PDE1C: variants seen among roughly 807,000 people sequenced by gnomAD.
PDE1C encodes dual specificity calcium/calmodulin-dependent 3',5'-cyclic nucleotide phosphodiesterase 1C.
PDE1C carries 62 observed loss-of-function variants against 93.1 expected under a neutral mutation model. That is an observed-to-expected ratio of 0.67 (90% CI 0.54 to 0.82). The LOEUF is 0.82. Ranked by LOEUF, PDE1C falls within the 40% of genes least tolerant of loss-of-function variation. PDE1C has a pLI of 0.00. For missense variants in PDE1C, 742 were observed against 884.6 expected (o/e 0.84, Z 2.04); for synonymous variants, 325 against 310.1 (o/e 1.05, Z -0.50).
chr7:32,410,388 G>C (rs1281236714), intron 1 of PDE1C, among the ~76,000 whole-genome samples: 1 of 151,814 alleles, frequency 6.6e-6, no homozygotes, highest in Non-Finnish European at 1.5e-5. Flanking sequence ...GAAGGAGGAG[G>C]GGGTGGAGGG....
In PDE1C at chr7:32,226,114, G is replaced by A. The variant is rs140397597; in HGVS notation, c.86-16575C>T. ...CAATTGTGTAACAGAGGATTTTGAC[G>A]TCCATTGTTGTTTGTCATTTATAAC... On this transcript the variant is annotated intron_variant, in intron 1 of 18. Coordinates refer to the PDE1C transcript ENST00000396193. 3.3e-5 allele frequency among the ~76,000 whole-genome samples: 5 copies of A among 152,236 alleles called. No individual in the cohort carries two copies. The East Asian group carries it at 5.8e-4, about 18-fold the overall frequency.
At chr7:31,620,257 G>C in the PDE1C span, among the ~76,000 whole-genome samples, 1 of 152,026 alleles carries the variant, frequency 6.6e-6, no homozygotes. Context: ...AGAGAGCAGT[G>C]GTTCTCCCAG....
intron 2 of PDE1C, among the ~76,000 whole-genome samples, chr7:32,043,563 C>A (rs2214783): frequency 0.17 from 25,601 of 151,972 alleles, 2,817 homozygotes; most frequent in African/African-American, 0.31. Context: ...CACACAGATA[C>A]CTGAATATCA....
chr7:32,410,074 A>G (rs1785134083), intron 1 of PDE1C, among the ~76,000 whole-genome samples: 1 of 152,326 alleles, frequency 6.6e-6, no homozygotes, highest in East Asian at 1.9e-4. Context: ...ATATGATTAT[A>G]TATCTGGAAA....
chr7:31,816,206 G>C (rs756792885), intron 14 of PDE1C, 52 bp from the exon 15 acceptor site: 1 of 1,523,954 alleles, frequency 6.6e-7, no homozygotes, highest in Non-Finnish European at 9.0e-7. Context: ...AAGAGGTCAT[G>C]CCGTTAGGAG....
At chr7:32,341,173 C>CTATTTTTTTTTTTTTTTTTT (rs796122014) in intron 1 of PDE1C, among the ~76,000 whole-genome samples, 17 of 84,950 alleles carry the variant, frequency 2.0e-4, no homozygotes, top group African/African-American at 7.4e-4. Flanking sequence ...GAAATAAAGT[C>CTATTTTTTTTTTTTTTTTTT]TTTTTTTTTT....
At chr7:32,209,101 C>T (rs1033745062) in intron 2 of PDE1C, among the ~76,000 whole-genome samples, 6 of 152,212 alleles carry the variant, frequency 3.9e-5, no homozygotes, top group Non-Finnish European at 7.3e-5. Context: ...CAGCACTTCT[C>T]AAACTCTAAT....
the PDE1C span, among the ~76,000 whole-genome samples, chr7:31,688,425 A>G: frequency 2.0e-5 from 3 of 152,224 alleles, no homozygotes; most frequent in Non-Finnish European, 2.9e-5. Context: ...CCGCTCAATG[A>G]TAAGAGAAAA....
the PDE1C span, among the ~76,000 whole-genome samples, chr7:31,650,246 G>A: frequency 5.9e-5 from 9 of 152,114 alleles, no homozygotes; most frequent in East Asian, 3.9e-4. Context: ...AGGTGTTGGC[G>A]AAAGCAAACA....
intron 1 of PDE1C, among the ~76,000 whole-genome samples, chr7:32,250,016 CT>C: frequency 6.6e-6 from 1 of 152,042 alleles, no homozygotes; most frequent in Non-Finnish European, 1.5e-5. Flanking sequence ...TTAACTTTTC[CT>C]AAGTCAAATG....
chr7:31,650,684 A>G, the PDE1C span, among the ~76,000 whole-genome samples: 1 of 152,178 alleles, frequency 6.6e-6, no homozygotes, highest in Non-Finnish European at 1.5e-5. Flanking sequence ...CATTATTCTA[A>G]GCAGATTTTC....
At chr7:31,844,860 A>G (rs1583574591) in intron 9 of PDE1C, among the ~76,000 whole-genome samples, 1 of 152,040 alleles carries the variant, frequency 6.6e-6, no homozygotes, top group East Asian at 1.9e-4. Flanking sequence ...TTTCAAATCA[A>G]ATAATTTCCA....
chr7:32,040,626 A>G (rs922699366), intron 2 of PDE1C, among the ~76,000 whole-genome samples: 1 of 152,226 alleles, frequency 6.6e-6, no homozygotes, highest in Non-Finnish European at 1.5e-5. Context: ...TATACTCTCA[A>G]TCAATGAAAT....
At chr7:32,111,116 C>T (rs1173745996) in intron 3 of PDE1C, among the ~76,000 whole-genome samples, 1 of 152,116 alleles carries the variant, frequency 6.6e-6, no homozygotes, top group Non-Finnish European at 1.5e-5. Flanking sequence ...CTTCCTGTCT[C>T]TTTTCAAGAG....
chr7:31,724,282 T>A, the PDE1C span, among the ~76,000 whole-genome samples: 8 of 152,206 alleles, frequency 5.3e-5, no homozygotes, highest in Non-Finnish European at 7.3e-5. Context: ...TGCCATTTTC[T>A]GCTCTCCTGA....
chr7:32,413,148 G>A (rs1365760590), intron 1 of PDE1C, among the ~76,000 whole-genome samples: 2 of 152,088 alleles, frequency 1.3e-5, no homozygotes, highest in African/African-American at 2.4e-5. Context: ...TCAAACTCTA[G>A]TTAGTGGTAT....
chr7:31,805,047 C>G (rs564891436), intron 16 of PDE1C, among the ~76,000 whole-genome samples: 2 of 151,574 alleles, frequency 1.3e-5, no homozygotes. Flanking sequence ...ATAAGTCTCA[C>G]GAGATGTGAT....
At chr7:31,868,958 T>C (rs1471743398) in intron 6 of PDE1C, among the ~76,000 whole-genome samples, 3 of 150,714 alleles carry the variant, frequency 2.0e-5, no homozygotes, top group Admixed American at 2.0e-4. Flanking sequence ...GCTTCATTAA[T>C]GAAGGAGAAA....
At chr7:32,033,206 C>T (rs984405974) in intron 2 of PDE1C, among the ~76,000 whole-genome samples, 3 of 152,064 alleles carry the variant, frequency 2.0e-5, no homozygotes, top group African/African-American at 7.2e-5. Context: ...AGGCGTGATG[C>T]TCTGTGGTGC....
Sources: allele counts gnomAD v4.1 joint callset (sites outside exome capture counted in the v4.1 genomes callset), GRCh38; gene constraint gnomAD v4.1.1; transcripts MANE v1.5; gene names NCBI Gene and HGNC (gene_info 2026-07-23, HGNC 2026-07-21).